Variants in SMURF2 observed in about 807,000 individuals in gnomAD.
The protein encoded by SMURF2 is SMAD specific E3 ubiquitin protein ligase 2.
SMURF2 carries 48 observed loss-of-function variants against 109.6 expected under a neutral mutation model. The ratio of observed to expected loss-of-function variants is 0.44; its 90% CI spans 0.35 to 0.56. The LOEUF (loss-of-function observed/expected upper bound fraction) is 0.56. SMURF2 is among the 20% of genes least tolerant of loss of function. The pLI is 0.01. For synonymous variants in SMURF2, 288 were observed against 317.1 expected (o/e 0.91, Z 0.97); for missense variants, 575 against 909.0 (o/e 0.63, Z 4.72).
At chr17:64,626,839 C>T (rs184148969) in intron 1 of SMURF2, among the ~76,000 whole-genome samples, 167 of 151,700 alleles carry the variant, frequency 1.1e-3, no homozygotes, top group African/African-American at 3.9e-3. Context: ...GAAATTATAA[C>T]TATAAAATAG....
At chr17:64,599,350 T>C (rs1320393822) in intron 2 of SMURF2, among the ~76,000 whole-genome samples, 1 of 152,226 alleles carries the variant, frequency 6.6e-6, no homozygotes, top group Non-Finnish European at 1.5e-5. Flanking sequence ...TGCTGTATTT[T>C]ACCTCTTATT....
At chr17:64,586,418 G>T (rs1568184709) in intron 5 of SMURF2, among the ~76,000 whole-genome samples, 2 of 151,998 alleles carry the variant, frequency 1.3e-5, no homozygotes, top group Non-Finnish European at 2.9e-5. Flanking sequence ...TTTCACCATA[G>T]TAATGGTGCA....
At position 64,571,861 on chromosome 17, in the gene SMURF2, T is replaced by C; in HGVS notation, c.953A>G (p.His318Arg). The C allele has an allele frequency of 1.2e-6, 2 of 1,613,990 alleles. No individual in the cohort carries two copies. Among genetic ancestry groups the C allele is most frequent in the South Asian group, 1.1e-5 (1 of 91,020 alleles). Reference protein sequence around the residue: ...TATGRVYFVDHNNRTTQFTDP... With the variant: ...TATGRVYFVDRNNRTTQFTDP... ...TGTAAATTGTGTTGTTCTGTTGTTATGGTCAACGAAATAAACTCTGCCTGT... is the reference window on the plus strand; with the variant it reads ...TGTAAATTGTGTTGTTCTGTTGTTACGGTCAACGAAATAAACTCTGCCTGT... The change falls in exon 10 of 19, where the codon CAT (histidine) becomes CGT (arginine). Residue 318 changes from histidine (H) to arginine (R), a missense_variant. Physicochemically the swap from His to Arg is conservative, Grantham distance 29. Transcript: ENST00000262435.
At chr17:64,643,573 T>G (rs1970518563) in intron 1 of SMURF2, among the ~76,000 whole-genome samples, 1 of 152,118 alleles carries the variant, frequency 6.6e-6, no homozygotes, top group Non-Finnish European at 1.5e-5. Context: ...CCACAACTAC[T>G]CTCTCCCTTT....
intron 15 of SMURF2, among the ~76,000 whole-genome samples, chr17:64,552,148 G>C (rs1969054327): frequency 6.6e-6 from 1 of 152,188 alleles, no homozygotes; most frequent in Non-Finnish European, 1.5e-5. Context: ...GCCTACGGGA[G>C]AAGAGGAGGT....
intron 7 of SMURF2, 110 bp downstream of exon 7, chr17:64,583,351 A>T: frequency 1.2e-6 from 1 of 813,926 alleles, no homozygotes; most frequent in Non-Finnish European, 2.1e-6. Context: ...CTACTGATCT[A>T]CGACAGCAAA....
intron 1 of SMURF2, among the ~76,000 whole-genome samples, chr17:64,637,889 A>G (rs1309986923): frequency 6.9e-6 from 1 of 145,156 alleles, no homozygotes; most frequent in Non-Finnish European, 1.5e-5. Flanking sequence ...AAAAAGACTA[A>G]TCTTTCCCCA....
At chr17:64,599,578 C>A (rs148083906) in intron 2 of SMURF2, among the ~76,000 whole-genome samples, 15 of 152,264 alleles carry the variant, frequency 9.9e-5, no homozygotes, top group African/African-American at 3.1e-4. Context: ...GTAAGCATTA[C>A]AGCCTGAGCT....
Position 64,562,879 on chromosome 17 carries a change from G to GT in SMURF2, c.1103dup (p.Tyr368Ter), listed in dbSNP as rs1555684663. ...TTAGTTTCTGAACCAGGTCTCGCTTGTACCTTGGGACTGTCAGGCATTCTG... is the reference window on the plus strand; with the variant it reads ...TTAGTTTCTGAACCAGGTCTCGCTTGTTACCTTGGGACTGTCAGGCATTCTG... ...DDTECLTVPR[Y>*]KRDLVQKLKI... The change falls in exon 11 of 19, where the codon TAC becomes TAAC. Residue 368 changes from tyrosine to a stop codon, truncating the protein, a stop_gained and frameshift_variant. Coordinates refer to ENST00000262435, the MANE Select transcript of SMURF2 (RefSeq NM_022739.4). LOFTEE classifies it high-confidence loss of function. 1 of 1,614,092 alleles carries GT rather than the reference G, an allele frequency of 6.2e-7. No homozygotes were observed. The highest frequency in any genetic ancestry group is 8.5e-7 in the Non-Finnish European group (1 of 1,180,044).
intron 1 of SMURF2, among the ~76,000 whole-genome samples, chr17:64,649,005 CTT>C (rs1970598869): frequency 6.6e-6 from 1 of 152,122 alleles, no homozygotes; most frequent in Non-Finnish European, 1.5e-5. Flanking sequence ...TCAGTGTTTT[CTT>C]CTTCACTGGA....
Position 64,662,039 on chromosome 17 carries a change from C to CCGCGGAGGGAGCGGGA in SMURF2, c.-175_-160dup, listed in dbSNP as rs1016152551. 49 of 1,115,704 alleles carry CCGCGGAGGGAGCGGGA rather than the reference C, an allele frequency of 4.4e-5. No homozygotes were observed. The African/African-American group carries it at 8.0e-4, about 18-fold the overall frequency. The allele number at this position is 1,115,704 out of a possible 1,614,324, so 69.1% of individuals were successfully genotyped here. On this transcript the variant is annotated 5_prime_UTR_variant, in exon 1 of 19. Coordinates refer to ENST00000262435, the MANE Select transcript of SMURF2 (RefSeq NM_022739.4). ...ATGTGCCGAGAGTCGTCGCCATGAG[C>CCGCGGAGGGAGCGGGA]CGCGGAGGGAGCGGGACGCCGAGCT...
At chr17:64,615,575 T>C (rs1201084272) in intron 1 of SMURF2, among the ~76,000 whole-genome samples, 1 of 152,124 alleles carries the variant, frequency 6.6e-6, no homozygotes, top group Non-Finnish European at 1.5e-5. Context: ...AAACATGAAA[T>C]GAAAATGAAA....
Position 64,662,151 on chromosome 17 carries a change from C to G in SMURF2, c.-271G>C, listed in dbSNP as rs1432521879. 37 of 1,034,852 alleles carry G rather than the reference C, an allele frequency of 3.6e-5. No individual in the cohort carries two copies. The South Asian group carries it at 8.0e-4, about 22-fold the overall frequency. 64.1% of individuals were successfully genotyped at this position (1,034,852 alleles called of 1,614,324 possible). On this transcript the variant is annotated 5_prime_UTR_variant, in exon 1 of 19. Coordinates refer to ENST00000262435, the MANE Select transcript of SMURF2 (RefSeq NM_022739.4). ...CGCCCGCGCCGCCTCCGCCCGCGCCCCCGCCGCCTCCTCGCGGCCGCCGAG... is the reference window on the plus strand; with the variant it reads ...CGCCCGCGCCGCCTCCGCCCGCGCCGCCGCCGCCTCCTCGCGGCCGCCGAG...
chr17:64,551,759 T>C (rs951228641), intron 15 of SMURF2, 55 bp from the exon 16 acceptor site: 23 of 1,601,074 alleles, frequency 1.4e-5, no homozygotes, highest in Non-Finnish European at 2.0e-5. Context: ...GATCTGGTAA[T>C]TATTATTATA....
intron 1 of SMURF2, among the ~76,000 whole-genome samples, chr17:64,658,125 C>T (rs999246757): frequency 6.6e-6 from 1 of 152,200 alleles, no homozygotes; most frequent in African/African-American, 2.4e-5. Flanking sequence ...AAGGCTAAGG[C>T]GGGCGGATCA....
At chr17:64,648,636 G>T (rs1970593012) in intron 1 of SMURF2, among the ~76,000 whole-genome samples, 1 of 152,040 alleles carries the variant, frequency 6.6e-6, no homozygotes, top group Non-Finnish European at 1.5e-5. Context: ...CACCAGCATG[G>T]TGCCACATAC....
Position 64,547,437 on chromosome 17 carries a change from CAAAA to C in SMURF2, c.2071+159_2071+162del, listed in dbSNP as rs1345982985. Among the ~76,000 whole-genome samples, 2 of 152,108 alleles carry C rather than the reference CAAAA, an allele frequency of 1.3e-5. No homozygotes were observed. The highest frequency in any genetic ancestry group is 4.8e-5 in the African/African-American group (2 of 41,414). Reference sequence around the variant, plus strand: ...GCAGAAAAGGCTCTTGGGAAGGGAACAAAAGAAAGGAGGGAGAAGAAGGTATCAC... The same window carrying C: ...GCAGAAAAGGCTCTTGGGAAGGGAACGAAAGGAGGGAGAAGAAGGTATCAC... On this transcript the variant is annotated intron_variant, in intron 17 of 18. Coordinates refer to ENST00000262435, the MANE Select transcript of SMURF2 (RefSeq NM_022739.4). This position sits in a 1 kb window ranked among gnomAD's most constrained non-coding sequence, Gnocchi z 4.2.
intron 1 of SMURF2, among the ~76,000 whole-genome samples, chr17:64,609,314 G>A (rs1343900466): frequency 6.6e-6 from 1 of 152,066 alleles, no homozygotes. Flanking sequence ...ACATAGCCAA[G>A]ACAATCCTAA....
At chr17:64,629,358 G>A (rs1313381195) in intron 1 of SMURF2, among the ~76,000 whole-genome samples, 1 of 152,042 alleles carries the variant, frequency 6.6e-6, no homozygotes, top group Non-Finnish European at 1.5e-5. Flanking sequence ...TTTTTAATTA[G>A]CCAGGCATGG....
Sources: allele counts gnomAD v4.1 joint callset (sites outside exome capture counted in the v4.1 genomes callset), GRCh38; gene constraint gnomAD v4.1.1; non-coding constraint Gnocchi (gnomAD v3.1); transcripts MANE v1.5; gene names NCBI Gene and HGNC (gene_info 2026-07-23, HGNC 2026-07-21).